DOCK10: variants seen among roughly 807,000 people sequenced by gnomAD.
DOCK10 encodes the protein dedicator of cytokinesis protein 10.
In DOCK10, 145 loss-of-function variants were observed where a neutral mutation model predicts 280.1. The ratio of observed to expected loss-of-function variants is 0.52; its 90% CI spans 0.45 to 0.59. DOCK10 has a LOEUF of 0.59. Ranked by LOEUF, DOCK10 falls within the 20% of genes least tolerant of loss-of-function variation. DOCK10 has a pLI of 0.00. For missense variants in DOCK10, 2,368 were observed against 2,651.7 expected (o/e 0.89, Z 2.35); for synonymous variants, 915 against 942.2 (o/e 0.97, Z 0.53).
chr2:224,879,479 T>C (rs1574983648), intron 7 of DOCK10, among the ~76,000 whole-genome samples: 1 of 152,116 alleles, frequency 6.6e-6, no homozygotes, highest in East Asian at 1.9e-4. Context: ...CACTCAGGGC[T>C]GGGCGTAGTG....
At position 224,770,069 on chromosome 2, in the gene DOCK10, G is replaced by T; in HGVS notation, c.6444+142C>A. On this transcript the variant is annotated intron_variant, in intron 55 of 55. Coordinates refer to ENST00000258390, the MANE Select transcript of DOCK10 (RefSeq NM_014689.3). The surrounding 1 kb of genome is among the most constrained non-coding windows in gnomAD (Gnocchi z 4.5). ...CTTTGGGGCACGAGGTGGTGTGCAC[G>T]GGAGAGAGAACAGATCAGCAACATG... The T allele has an allele frequency of 2.1e-6, 2 of 942,014 alleles. No individual in the cohort carries two copies. The highest frequency in any genetic ancestry group is 2.9e-6 in the Non-Finnish European group (2 of 685,846). The allele number at this position is 942,014 out of a possible 1,614,324, so 58.4% of individuals were successfully genotyped here.
At chr2:224,894,857 C>A (rs969701484) in intron 4 of DOCK10, among the ~76,000 whole-genome samples, 1 of 152,114 alleles carries the variant, frequency 6.6e-6, no homozygotes, top group Non-Finnish European at 1.5e-5. Context: ...ATAGAGTAGC[C>A]CAAGAGTTCT....
chr2:225,014,076 A>AACATAT (rs1689517323), intron 1 of DOCK10, among the ~76,000 whole-genome samples: 1 of 87,732 alleles, frequency 1.1e-5, no homozygotes, highest in Admixed American at 1.3e-4. Context: ...CAGAAGTCTG[A>AACATAT]ATATATTGTT....
At chr2:224,844,937 A>C (rs1336369018) in intron 21 of DOCK10, 98 bp from the exon 22 acceptor site, 5 of 935,428 alleles carry the variant, frequency 5.3e-6, no homozygotes, top group Non-Finnish European at 8.4e-6. Flanking sequence ...CTGATCCATT[A>C]ATCTTATATC....
At chr2:224,775,539 G>C (rs1160983389) in intron 51 of DOCK10, among the ~76,000 whole-genome samples, 9 of 151,980 alleles carry the variant, frequency 5.9e-5, no homozygotes, top group Admixed American at 5.9e-4. Flanking sequence ...GCAGTGGCAC[G>C]ATCTCGGCTC....
intron 43 of DOCK10, 24 bp from the exon 44 acceptor site, chr2:224,796,450 C>G: frequency 6.9e-7 from 1 of 1,443,304 alleles, no homozygotes; most frequent in Non-Finnish European, 9.5e-7. Context: ...AAAATGAACT[C>G]TCAAAAACAA....
chr2:224,844,273 G>A (rs529563150), intron 22 of DOCK10, among the ~76,000 whole-genome samples: 12 of 152,280 alleles, frequency 7.9e-5, no homozygotes, highest in African/African-American at 2.9e-4. Context: ...TGGGATTACA[G>A]GCATGCGTCA....
At chr2:224,948,251 T>C (rs561401581) in intron 1 of DOCK10, among the ~76,000 whole-genome samples, 1 of 152,340 alleles carries the variant, frequency 6.6e-6, no homozygotes, top group Non-Finnish European at 1.5e-5. Context: ...ATTATTCCTG[T>C]CTTAGCATGC....
Position 224,773,364 on chromosome 2 carries a change from C to T in DOCK10, c.6014-17G>A, listed in dbSNP as rs778992302. The T allele has an allele frequency of 1.3e-6, 2 of 1,595,776 alleles. No homozygotes were observed. Among genetic ancestry groups the T allele is most frequent in the South Asian group, 1.1e-5 (1 of 89,428 alleles). Reference sequence around the variant, plus strand: ...GGTGACTCGCTGTACAAAAGCCATACAAAGGGATTTCAAGGTTGAGGATTA... The same window carrying T: ...GGTGACTCGCTGTACAAAAGCCATATAAAGGGATTTCAAGGTTGAGGATTA... On this transcript the variant is annotated splice_polypyrimidine_tract_variant and intron_variant, in intron 52 of 55. Coordinates refer to ENST00000258390, the MANE Select transcript of DOCK10 (RefSeq NM_014689.3).
At chr2:224,837,976 C>G in intron 24 of DOCK10, 145 bp from the exon 25 acceptor site, 2 of 684,536 alleles carry the variant, frequency 2.9e-6, no homozygotes, top group South Asian at 3.3e-5. Context: ...TCCTTGCCCT[C>G]CTCAGCCCCA....
Position 224,886,505 on chromosome 2 carries a change from G to A in DOCK10, c.443C>T (p.Pro148Leu), listed in dbSNP as rs372944557. 7 of 1,609,020 alleles carry A rather than the reference G, an allele frequency of 4.4e-6. No homozygotes were observed. In the African/African-American group the frequency reaches 5.4e-5, roughly 12 times the overall value. ...ATGGTCAATCTCAAAGGAATGTGAA[G>A]GAAGCTTCTCTGGTTTGTATTCTGC... is the stretch of plus-strand genomic sequence containing the variant. ...PRAEYKPEKLPSHSFEIDHED... is the reference protein window; with the variant it reads ...PRAEYKPEKLLSHSFEIDHED... The change falls in exon 5 of 56, where the codon CCT (proline) becomes CTT (leucine). Residue 148 changes from proline (P) to leucine (L), a missense_variant. Physicochemically the swap from Pro to Leu is moderately conservative, Grantham distance 98 (BLOSUM62 -3). This residue lies in a region of DOCK10 where 1,209 missense variants were observed against 1,250.9 expected (regional missense o/e 0.97). Coordinates refer to ENST00000258390, the MANE Select transcript of DOCK10 (RefSeq NM_014689.3).
intron 7 of DOCK10, among the ~76,000 whole-genome samples, chr2:224,878,962 G>T (rs1698809731): frequency 6.6e-6 from 1 of 152,244 alleles, no homozygotes; most frequent in Non-Finnish European, 1.5e-5. Flanking sequence ...CCCTGCTCTT[G>T]CAGAATAGGA....
chr2:224,962,535 C>G (rs1233931984), intron 1 of DOCK10, among the ~76,000 whole-genome samples: 4 of 152,198 alleles, frequency 2.6e-5, no homozygotes, highest in African/African-American at 9.7e-5. Flanking sequence ...TGCATTAGTA[C>G]TCACATCTCC....
At chr2:224,873,290 T>A (rs1291657305) in intron 11 of DOCK10, among the ~76,000 whole-genome samples, 1 of 152,142 alleles carries the variant, frequency 6.6e-6, no homozygotes, top group Non-Finnish European at 1.5e-5. Context: ...GTAAAAGCCA[T>A]CTCTGGCCAG....
At chr2:224,952,023 A>T (rs1703769751) in intron 1 of DOCK10, among the ~76,000 whole-genome samples, 1 of 152,132 alleles carries the variant, frequency 6.6e-6, no homozygotes, top group African/African-American at 2.4e-5. Flanking sequence ...CTTCTTCTGT[A>T]TCTCTCTGCT....
At chr2:224,788,509 T>G (rs557848581) in intron 48 of DOCK10, among the ~76,000 whole-genome samples, 52 of 152,316 alleles carry the variant, frequency 3.4e-4, no homozygotes, top group African/African-American at 1.2e-3. Flanking sequence ...AAAATTTACT[T>G]TCTGTATAAT....
Position 225,042,293 on chromosome 2 carries a change from A to ACGCGGCGCTGTGCCGGAGCTCGGC in DOCK10, c.58_81dup (p.Ala20_Ala27dup). On this transcript the variant is annotated inframe_insertion, in exon 1 of 56. Coordinates refer to ENST00000258390, the MANE Select transcript of DOCK10 (RefSeq NM_014689.3). The surrounding 1 kb of genome is among the most constrained non-coding windows in gnomAD (Gnocchi z 5.1). ...CTGCTGACTGCCACCGCGGCGGCGG[A>ACGCGGCGCTGTGCCGGAGCTCGGC]CGCGGCGCTGTGCCGGAGCTCGGCC... 1.5e-6 allele frequency: 2 copies of ACGCGGCGCTGTGCCGGAGCTCGGC among 1,346,168 alleles called. No homozygotes were observed. The highest frequency in any genetic ancestry group is 1.9e-6 in the Non-Finnish European group (2 of 1,046,090). 83.4% of individuals were successfully genotyped at this position (1,346,168 alleles called of 1,614,324 possible). A position where few individuals can be genotyped will look rare whatever the true frequency, so the allele number is the denominator to read the frequency against.
intron 3 of DOCK10, among the ~76,000 whole-genome samples, chr2:224,910,907 T>G (rs537767761): frequency 6.6e-6 from 1 of 152,244 alleles, no homozygotes; most frequent in Admixed American, 6.5e-5. Context: ...GGGTTTTCAG[T>G]ACTAGTGACA....
intron 1 of DOCK10, among the ~76,000 whole-genome samples, chr2:224,958,505 T>G (rs1704184856): frequency 1.3e-5 from 2 of 152,198 alleles, no homozygotes; most frequent in African/African-American, 2.4e-5. Context: ...ACAACTGACC[T>G]CTTTGTGCTC....
Sources: gnomAD v4.1 joint callset for allele counts (sites outside exome capture counted in the v4.1 genomes callset) on GRCh38, gnomAD v4.1.1 for gene constraint, gnomAD v4.1.1 regional missense constraint, Gnocchi (gnomAD v3.1) non-coding constraint, MANE v1.5 for transcripts, NCBI Gene and HGNC (gene_info 2026-07-23, HGNC 2026-07-21) for gene names.